Variants in SLC9A2 observed in about 807,000 individuals in gnomAD.
SLC9A2 encodes the protein sodium/hydrogen exchanger 2.
In SLC9A2, 42 loss-of-function variants were observed where a neutral mutation model predicts 71.7. The observed-to-expected ratio is 0.59, with a 90% CI of 0.46 to 0.76. The LOEUF (loss-of-function observed/expected upper bound fraction) is 0.76. Among genes scored for constraint, SLC9A2 ranks in the 30% least tolerant of loss-of-function variants. The probability of loss-of-function intolerance (pLI) is 0.00; values close to 1 mark genes in which losing one functional copy is unlikely to be tolerated. For synonymous variants in SLC9A2, 396 were observed against 392.5 expected (o/e 1.01, Z -0.10); for missense variants, 829 against 1,017.4 (o/e 0.81, Z 2.52).
chr2:102,672,210 T>A (rs1185166176), intron 3 of SLC9A2, among the ~76,000 whole-genome samples: 4 of 152,234 alleles, frequency 2.6e-5, no homozygotes, highest in African/African-American at 4.8e-5. Flanking sequence ...ATTTCTATAC[T>A]GATTTGATGT....
At position 102,694,555 on chromosome 2, in the gene SLC9A2, A is replaced by G. The variant is rs184491354; in HGVS notation, c.1515+52A>G. The G allele has an allele frequency of 3.3e-4, 304 of 921,596 alleles. 1 individual carries two copies. The African/African-American group carries it at 4.4e-3, about 13-fold the overall frequency. The allele number at this position is 921,596 out of a possible 1,614,324, so 57.1% of individuals were successfully genotyped here. On this transcript the variant is annotated intron_variant, in intron 6 of 11. Transcript: ENST00000233969. ...TTAATGATAAAGGAAAAATATTTGA[A>G]TCAGTCAAACAGCTTGGTACCACGT...
chr2:102,685,244 G>A (rs1170729804), intron 5 of SLC9A2, among the ~76,000 whole-genome samples: 1 of 152,210 alleles, frequency 6.6e-6, no homozygotes, highest in Non-Finnish European at 1.5e-5. Context: ...GTGTGCTCTT[G>A]GCCAGTGTGG....
At chr2:102,682,277 G>C (rs1026547850) in intron 3 of SLC9A2, among the ~76,000 whole-genome samples, 1 of 152,152 alleles carries the variant, frequency 6.6e-6, no homozygotes, top group Non-Finnish European at 1.5e-5. Context: ...CTCCTCTGTG[G>C]GTGGCATCTG....
chr2:102,669,972 G>A (rs1470712871), intron 3 of SLC9A2, among the ~76,000 whole-genome samples: 1 of 152,028 alleles, frequency 6.6e-6, no homozygotes, highest in Non-Finnish European at 1.5e-5. Context: ...TTTTGAAAAT[G>A]GCTAACTCCT....
At chr2:102,663,687 G>A (rs1677085283) in intron 2 of SLC9A2, among the ~76,000 whole-genome samples, 1 of 152,204 alleles carries the variant, frequency 6.6e-6, no homozygotes, top group African/African-American at 2.4e-5. Flanking sequence ...GAGTTTCTCA[G>A]AACCCAAATG....
intron 1 of SLC9A2, among the ~76,000 whole-genome samples, chr2:102,654,248 AT>A (rs1676891801): frequency 9.0e-6 from 1 of 110,840 alleles, no homozygotes. Context: ...GCTGACTCTT[AT>A]CACACACTAG....
intron 1 of SLC9A2, among the ~76,000 whole-genome samples, chr2:102,655,569 G>T (rs1198526746): frequency 1.3e-5 from 2 of 152,172 alleles, no homozygotes; most frequent in African/African-American, 4.8e-5. Context: ...ACAGGGTCAG[G>T]ATCATAAAGG....
chr2:102,651,262 TG>T (rs965080793), intron 1 of SLC9A2, among the ~76,000 whole-genome samples: 3 of 152,174 alleles, frequency 2.0e-5, no homozygotes, highest in Admixed American at 6.5e-5. Flanking sequence ...TTTTCAACGG[TG>T]GGGACCTGGT....
rs889944138 is a variant in SLC9A2 at position 102,708,822 on chromosome 2, A to G, written c.*333A>G. ...CATCCTTCTTGGTGAAGATTTTAAT[A>G]TATTACTTATATGCTTCAAATTTTA... is the stretch of plus-strand genomic sequence containing the variant. On this transcript the variant is annotated 3_prime_UTR_variant, in exon 12 of 12. Transcript: ENST00000233969. 5 of 250,778 alleles carry G rather than the reference A, an allele frequency of 2.0e-5. No individual in the cohort carries two copies. Among genetic ancestry groups the G allele is most frequent in the Non-Finnish European group, 3.8e-5 (5 of 130,200 alleles). The allele number at this position is 250,778 out of a possible 1,614,324, so 15.5% of individuals were successfully genotyped here. A position where few individuals can be genotyped will look rare whatever the true frequency, so the allele number is the denominator to read the frequency against.
At chr2:102,660,779 G>A (rs191984537) in intron 2 of SLC9A2, among the ~76,000 whole-genome samples, 23 of 152,252 alleles carry the variant, frequency 1.5e-4, no homozygotes, top group African/African-American at 5.1e-4. Context: ...AGGAACTCAC[G>A]GACTTTGGAA....
chr2:102,632,204 G>A (rs1676387761), intron 1 of SLC9A2, among the ~76,000 whole-genome samples: 1 of 125,580 alleles, frequency 8.0e-6, no homozygotes, highest in African/African-American at 3.3e-5. Context: ...ATGAAAGTGG[G>A]GATATAAATA....
chr2:102,661,913 C>T (rs1011901612), intron 2 of SLC9A2, among the ~76,000 whole-genome samples: 1 of 152,132 alleles, frequency 6.6e-6, no homozygotes, highest in African/African-American at 2.4e-5. Context: ...GGCATAGATT[C>T]CCTCATAATA....
At chr2:102,678,373 G>A (rs1279049284) in intron 3 of SLC9A2, among the ~76,000 whole-genome samples, 1 of 151,734 alleles carries the variant, frequency 6.6e-6, no homozygotes, top group East Asian at 1.9e-4. Flanking sequence ...AAAAGGGGGG[G>A]GAAGGATAAT....
intron 3 of SLC9A2, among the ~76,000 whole-genome samples, chr2:102,668,095 A>G (rs1026645545): frequency 6.6e-6 from 1 of 152,126 alleles, no homozygotes; most frequent in Non-Finnish European, 1.5e-5. Context: ...AAATAAAAAA[A>G]AAACTAAAAT....
At chr2:102,701,441 G>C (rs546736365) in intron 8 of SLC9A2, among the ~76,000 whole-genome samples, 2 of 152,224 alleles carry the variant, frequency 1.3e-5, no homozygotes, top group Admixed American at 6.5e-5. Flanking sequence ...AGGTTCCTTT[G>C]AGCCTGTGGT....
intron 1 of SLC9A2, among the ~76,000 whole-genome samples, chr2:102,656,142 A>G (rs915893172): frequency 2.6e-5 from 4 of 152,220 alleles, no homozygotes; most frequent in Admixed American, 6.5e-5. Flanking sequence ...TCTTGCAAAT[A>G]AGTGCGCTCC....
chr2:102,644,409 C>T (rs1012178114), intron 1 of SLC9A2, among the ~76,000 whole-genome samples: 1 of 152,162 alleles, frequency 6.6e-6, no homozygotes, highest in African/African-American at 2.4e-5. Flanking sequence ...AGACACTGAG[C>T]TAGCTGCAGG....
At position 102,632,143 on chromosome 2, in the gene SLC9A2, T is replaced by C. The variant is rs1401727120; in HGVS notation, c.289+12006T>C. Among the ~76,000 whole-genome samples, 673 of 84,552 alleles carry C rather than the reference T, an allele frequency of 8.0e-3. 10 individuals carry two copies. Among genetic ancestry groups the C allele is most frequent in the African/African-American group, 0.028 (628 of 22,556 alleles). 55.5% of individuals were successfully genotyped at this position (84,552 alleles called of 152,430 possible). ...ATACATATATACATATATATGTATA[T>C]ATACATATATACACATATATACACA... On this transcript the variant is annotated intron_variant, in intron 1 of 11. Coordinates refer to ENST00000233969, the MANE Select transcript of SLC9A2 (RefSeq NM_003048.6).
chr2:102,619,863 C>A lies in SLC9A2; in HGVS notation c.15C>A (p.Gly5=). ...CGGCGGCACCCATGGAACCACTGGG[C>A]AACTGGAGGAGCCTGCGGGCGCCAC... MEPL[G]NWRSLRAPLP... Residue 5 remains glycine (G), a synonymous_variant, in exon 1 of 12, where the codon GGC becomes GGA. Transcript: ENST00000233969. This position sits in a 1 kb window ranked among gnomAD's most constrained non-coding sequence, Gnocchi z 4.3. The A allele has an allele frequency of 1.3e-6, 2 of 1,533,948 alleles. No individual in the cohort carries two copies. Among genetic ancestry groups the A allele is most frequent in the South Asian group, 1.2e-5 (1 of 81,014 alleles).
Sources: gnomAD v4.1 joint callset for allele counts (sites outside exome capture counted in the v4.1 genomes callset) on GRCh38, gnomAD v4.1.1 for gene constraint, Gnocchi (gnomAD v3.1) non-coding constraint, MANE v1.5 for transcripts, NCBI Gene and HGNC (gene_info 2026-07-23, HGNC 2026-07-21) for gene names.